COMMD1: variants seen among roughly 807,000 people sequenced by gnomAD.
COMMD1 encodes the protein COMM domain-containing protein 1.
COMMD1 carries 10 observed loss-of-function variants against 17.2 expected under a neutral mutation model. That is an observed-to-expected ratio of 0.58 (90% confidence interval 0.36 to 0.99). The LOEUF (loss-of-function observed/expected upper bound fraction) is 0.99. Ranked by LOEUF, COMMD1 falls within the 50% of genes least tolerant of loss-of-function variation. COMMD1 has a pLI of 0.01. For synonymous variants in COMMD1, 97 were observed against 91.6 expected, an observed-to-expected ratio of 1.06 and a Z score of -0.34; for missense variants, 270 against 231.8, an observed-to-expected ratio of 1.17 and a Z score of -1.07.
chr2:62,054,400 T>C (rs1156893075), intron 2 of COMMD1, among the ~76,000 whole-genome samples: 2 of 152,192 alleles, frequency 1.3e-5, no homozygotes, highest in African/African-American at 4.8e-5. Context: ...TACTCGTATG[T>C]TTATCACAGC....
At chr2:62,083,051 G>C (rs1671569467) in intron 2 of COMMD1, among the ~76,000 whole-genome samples, 1 of 152,140 alleles carries the variant, frequency 6.6e-6, no homozygotes, top group Non-Finnish European at 1.5e-5. Flanking sequence ...TTGAGCCCAG[G>C]AGTTTGAGAC....
intron 2 of COMMD1, among the ~76,000 whole-genome samples, chr2:62,059,909 TA>T (rs557259418): frequency 8.1e-4 from 124 of 152,270 alleles, no homozygotes; most frequent in African/African-American, 2.8e-3. Context: ...TATTCCTGTT[TA>T]TCCTTTTTTA....
chr2:62,116,931 G>A (rs896282958), intron 2 of COMMD1, among the ~76,000 whole-genome samples: 33 of 151,182 alleles, frequency 2.2e-4, no homozygotes, highest in African/African-American at 7.5e-4. Context: ...GGAGGCGGAG[G>A]TTGTGGTGAG....
At chr2:62,110,993 A>G (rs1382452593) in intron 2 of COMMD1, among the ~76,000 whole-genome samples, 1 of 152,216 alleles carries the variant, frequency 6.6e-6, no homozygotes, top group African/African-American at 2.4e-5. Context: ...AAAGCACCAT[A>G]AAACAAAGGT....
intron 2 of COMMD1, among the ~76,000 whole-genome samples, chr2:62,057,811 A>G (rs901198014): frequency 6.6e-6 from 1 of 151,712 alleles, no homozygotes; most frequent in Admixed American, 6.6e-5. Context: ...GGCTCAGGCG[A>G]TCCTCCCACC....
chr2:62,068,360 T>C (rs1465536663), intron 2 of COMMD1, among the ~76,000 whole-genome samples: 1 of 152,174 alleles, frequency 6.6e-6, no homozygotes, highest in Non-Finnish European at 1.5e-5. Context: ...CTTTTAACAG[T>C]GTGCTTTGCA....
rs190292098 is a variant in COMMD1 at position 61,889,630 on chromosome 2, T to C, written n.119+788T>C. 7.9e-4 allele frequency among the ~76,000 whole-genome samples: 120 copies of C among 152,174 alleles called. 2 individuals carry two copies. Among genetic ancestry groups the C allele is most frequent in the Non-Finnish European group, 7.8e-4 (53 of 68,016 alleles). ...CCCGGCCACATAGACCTGCATTTTA[T>C]GCAGTTTTGTTCATTTTGAAAGGGA... On this transcript the variant is annotated intron_variant and non_coding_transcript_variant, in intron 1 of 2. Coordinates refer to the COMMD1 transcript ENST00000472729.
chr2:62,094,673 G>A (rs768272062), intron 2 of COMMD1, among the ~76,000 whole-genome samples: 11 of 152,144 alleles, frequency 7.2e-5, no homozygotes, highest in Non-Finnish European at 1.5e-4. Flanking sequence ...GGAAGAGTGA[G>A]GGGTAAGGGA....
At chr2:61,968,828 G>T in intron 1 of COMMD1, 1 of 188,858 alleles carries the variant, frequency 5.3e-6, no homozygotes, top group South Asian at 8.0e-5. Context: ...AAAGTGCTGG[G>T]ATTACAGGCA....
At chr2:62,060,135 C>T (rs1670819908) in intron 2 of COMMD1, among the ~76,000 whole-genome samples, 1 of 152,072 alleles carries the variant, frequency 6.6e-6, no homozygotes, top group East Asian at 1.9e-4. Flanking sequence ...TCCAGACCGG[C>T]TTAGGCAACA....
chr2:61,888,557 G>A (rs1669318876), upstream of COMMD1: 4 of 1,586,578 alleles, frequency 2.5e-6, no homozygotes, highest in South Asian at 1.1e-5. Context: ...GATGGACCCG[G>A]ATTCTGGCCG....
At chr2:61,974,585 T>C (rs1427792152) in intron 1 of COMMD1, among the ~76,000 whole-genome samples, 2 of 150,924 alleles carry the variant, frequency 1.3e-5, no homozygotes, top group Non-Finnish European at 2.9e-5. Flanking sequence ...AGGCAGAGAA[T>C]TGCTTGAACC....
chr2:62,080,134 T>C (rs1471920014), intron 2 of COMMD1, among the ~76,000 whole-genome samples: 1 of 152,112 alleles, frequency 6.6e-6, no homozygotes, highest in African/African-American at 2.4e-5. Flanking sequence ...TTCCGAAGAA[T>C]GTCCACAAAG....
chr2:62,012,377 GAGTGC>G (rs990703212), intron 2 of COMMD1, among the ~76,000 whole-genome samples: 4 of 149,756 alleles, frequency 2.7e-5, no homozygotes, highest in African/African-American at 9.9e-5. Flanking sequence ...GCCCAGGCTG[GAGTGC>G]AGTGGCTCTC....
At chr2:61,907,356 C>T (rs62149902) in intron 1 of COMMD1, among the ~76,000 whole-genome samples, 25,004 of 152,276 alleles carry the variant, frequency 0.16, 2,661 homozygotes, top group Middle Eastern at 0.31. Context: ...CCGCCTGCCT[C>T]GGCCTCCCGG....
At chr2:61,951,758 A>G (rs927055981) in intron 1 of COMMD1, among the ~76,000 whole-genome samples, 7 of 152,116 alleles carry the variant, frequency 4.6e-5, no homozygotes, top group Non-Finnish European at 7.4e-5. Flanking sequence ...ACTCCCAAAA[A>G]TTTCTCCAGT....
At chr2:62,059,775 C>G (rs1252586925) in intron 2 of COMMD1, among the ~76,000 whole-genome samples, 1 of 152,160 alleles carries the variant, frequency 6.6e-6, no homozygotes, top group Non-Finnish European at 1.5e-5. Flanking sequence ...AGTTTCCAAC[C>G]TGTCTTTGTA....
chr2:61,967,360 T>C (rs1295765951), intron 1 of COMMD1, among the ~76,000 whole-genome samples: 1 of 152,230 alleles, frequency 6.6e-6, no homozygotes, highest in Non-Finnish European at 1.5e-5. Context: ...TGAAAGTTTC[T>C]AAATATTTAC....
At chr2:61,994,895 A>G (rs1365104091) in intron 1 of COMMD1, among the ~76,000 whole-genome samples, 1 of 152,088 alleles carries the variant, frequency 6.6e-6, no homozygotes, top group African/African-American at 2.4e-5. Context: ...AAAGGAGGAT[A>G]TTGTGATCTG....
Sources: allele counts gnomAD v4.1 joint callset (sites outside exome capture counted in the v4.1 genomes callset), GRCh38; gene constraint gnomAD v4.1.1; transcripts MANE v1.5; gene names NCBI Gene and HGNC (gene_info 2026-07-23, HGNC 2026-07-21).